SEC31B: variants seen among roughly 807,000 people sequenced by gnomAD.
SEC31B encodes SEC31 homolog B, COPII component.
In SEC31B, 113 loss-of-function variants were observed where a neutral mutation model predicts 135.0. That is an observed-to-expected ratio of 0.84 (90% CI 0.72 to 0.98). The LOEUF (loss-of-function observed/expected upper bound fraction) is 0.98. Ranked by LOEUF, SEC31B falls within the 50% of genes least tolerant of loss-of-function variation. SEC31B has a pLI of 0.00. For synonymous variants in SEC31B, 508 were observed against 549.4 expected (o/e 0.92, Z 1.05); for missense variants, 1,296 against 1,421.1 (o/e 0.91, Z 1.42).
Position 100,505,927 on chromosome 10 carries a change from C to T in SEC31B, c.1044+113G>A, listed in dbSNP as rs1056879411. The T allele has an allele frequency of 2.6e-6, 4 of 1,553,156 alleles. No individual in the cohort carries two copies. In the African/African-American group the frequency reaches 5.4e-5, roughly 21 times the overall value. On this transcript the variant is annotated intron_variant, in intron 9 of 25. Transcript: ENST00000370345. ...GGGCAAAGGTGCAGCCCTCCCAAAC[C>T]CCGGGCCCTGGTCTCCCAATCTCCA...
intron 7 of SEC31B, among the ~76,000 whole-genome samples, 190 bp downstream of exon 7, chr10:100,507,235 A>G (rs1395725808): frequency 6.6e-6 from 1 of 152,204 alleles, no homozygotes; most frequent in African/African-American, 2.4e-5. Context: ...CCTCCTCTCC[A>G]TAACCTCAGG....
intron 19 of SEC31B, among the ~76,000 whole-genome samples, chr10:100,493,604 G>A (rs1386999677): frequency 6.6e-6 from 1 of 152,184 alleles, no homozygotes; most frequent in Non-Finnish European, 1.5e-5. Context: ...CAAGGATGAG[G>A]GAGGCAGAAT....
chr10:100,509,974 G>A (rs908042214), intron 3 of SEC31B, among the ~76,000 whole-genome samples: 2 of 152,124 alleles, frequency 1.3e-5, no homozygotes, highest in African/African-American at 4.8e-5. Flanking sequence ...ACAACCTCAT[G>A]AAGTATTACT....
At chr10:100,506,991 C>A (rs1292063163) in intron 7 of SEC31B, among the ~76,000 whole-genome samples, 1 of 152,142 alleles carries the variant, frequency 6.6e-6, no homozygotes, top group African/African-American at 2.4e-5. Flanking sequence ...CAAGGAGATA[C>A]AAAGGCACCA....
intron 3 of SEC31B, among the ~76,000 whole-genome samples, chr10:100,515,835 G>A (rs945542014): frequency 6.6e-6 from 1 of 152,076 alleles, no homozygotes; most frequent in Non-Finnish European, 1.5e-5. Flanking sequence ...GACAGACCAG[G>A]TACACGTGGG....
intron 19 of SEC31B, among the ~76,000 whole-genome samples, chr10:100,493,144 C>T (rs912671821): frequency 6.6e-6 from 1 of 152,132 alleles, no homozygotes; most frequent in Non-Finnish European, 1.5e-5. Flanking sequence ...GAGGCCGAGG[C>T]GGGCGGATCA....
chr10:100,490,176 T>G lies in SEC31B; in HGVS notation c.2797A>C (p.Thr933Pro), dbSNP rs1851273227. 1 of 1,605,622 alleles carries G rather than the reference T, an allele frequency of 6.2e-7. No individual in the cohort carries two copies. Among genetic ancestry groups the G allele is most frequent in the African/African-American group, 1.3e-5 (1 of 74,530 alleles). The change falls in exon 21 of 26, where the codon ACT becomes CCT. Residue 933 changes from threonine (T) to proline (P), a missense_variant. Thr to Pro is a conservative substitution (Grantham distance 38). Coordinates refer to ENST00000370345, the MANE Select transcript of SEC31B (RefSeq NM_015490.4). Reference protein sequence around the residue: ...MRPGSTSLPETPRLFPLLPLR... With the variant: ...MRPGSTSLPEPPRLFPLLPLR... The stretch of plus-strand genomic sequence containing the variant: ...GGAAGCAGAGGGAACAGTCTAGGAG[T>G]CTCAGGCAGGGAGGTAGAGCCAGGT...
At chr10:100,491,095 C>A (rs999665294) in intron 19 of SEC31B, among the ~76,000 whole-genome samples, 1 of 152,108 alleles carries the variant, frequency 6.6e-6, no homozygotes, top group African/African-American at 2.4e-5. Context: ...TTACAACAGA[C>A]CCTGAAGCCA....
chr10:100,495,576 C>G, intron 18 of SEC31B, 30 bp from the exon 19 acceptor site: 2 of 1,598,836 alleles, frequency 1.3e-6, no homozygotes, highest in Non-Finnish European at 1.7e-6. Flanking sequence ...AGAGCTGTGT[C>G]AAGAAATTAA....
At chr10:100,499,345 A>C in intron 12 of SEC31B, 87 bp from the exon 13 acceptor site, 3 of 1,160,736 alleles carry the variant, frequency 2.6e-6, no homozygotes, top group Non-Finnish European at 3.8e-6. Context: ...TACCCCACCA[A>C]CTGTACTCTC....
intron 19 of SEC31B, among the ~76,000 whole-genome samples, chr10:100,494,533 C>A (rs546176285): frequency 2.6e-4 from 40 of 152,328 alleles, no homozygotes; most frequent in Non-Finnish European, 4.7e-4. Flanking sequence ...GCCACAAACA[C>A]CTGTGTTGCA....
intron 10 of SEC31B, 145 bp from the exon 11 acceptor site, chr10:100,502,629 G>A: frequency 1.6e-6 from 1 of 621,582 alleles, no homozygotes; most frequent in Non-Finnish European, 2.8e-6. Context: ...GGTGGAATAG[G>A]ATCAGGAATT....
chr10:100,499,092 G>A (rs1851468082), intron 13 of SEC31B, 68 bp downstream of exon 13: 1 of 1,285,484 alleles, frequency 7.8e-7, no homozygotes, highest in Non-Finnish European at 1.1e-6. Flanking sequence ...GGGCCAGGAA[G>A]GGAAAGATGC....
intron 5 of SEC31B, 116 bp from the exon 6 acceptor site, chr10:100,508,167 C>T (rs1377627116): frequency 1.9e-5 from 24 of 1,259,000 alleles, no homozygotes; most frequent in East Asian, 4.7e-5. Context: ...CATGGGGCTA[C>T]CCAAACTAAG....
intron 11 of SEC31B, chr10:100,500,193 G>A (rs1410297589): frequency 2.2e-6 from 1 of 456,528 alleles, no homozygotes; most frequent in African/African-American, 2.0e-5. Flanking sequence ...CTGCATGACT[G>A]CTGAAAGGGC....
At position 100,516,170 on chromosome 10, in the gene SEC31B, C is replaced by T; in HGVS notation, c.129G>A (p.Leu43=). 6.2e-7 allele frequency: 1 copy of T among 1,613,904 alleles called. No individual in the cohort carries two copies. Among genetic ancestry groups the T allele is most frequent in the Non-Finnish European group, 8.5e-7 (1 of 1,179,952 alleles). ...LDSSFSTNGT[L]EIFEVDFRDP... ...CCCTGAAATCAACCTCAAATATTTCCAATGTGCCATTTGTGCTGAAGGAGG... is the reference window on the plus strand; with the variant it reads ...CCCTGAAATCAACCTCAAATATTTCTAATGTGCCATTTGTGCTGAAGGAGG... Residue 43 remains leucine, a synonymous_variant, in exon 3 of 26, where the codon TTG becomes TTA. Transcript: ENST00000370345.
rs776327807 is a variant in SEC31B at position 100,497,809 on chromosome 10, A to C, written c.1864-16T>G. The C allele has an allele frequency of 3.1e-6, 5 of 1,614,200 alleles. No individual in the cohort carries two copies. The highest frequency in any genetic ancestry group is 4.2e-6 in the Non-Finnish European group (5 of 1,180,036). Reference sequence around the variant, plus strand: ...AGGCTAGAAGCTGTAATGGGCAGAGAGGGAAAGAGACCATCAGCCATCCAT... The same window carrying C: ...AGGCTAGAAGCTGTAATGGGCAGAGCGGGAAAGAGACCATCAGCCATCCAT... On this transcript the variant is annotated splice_polypyrimidine_tract_variant and intron_variant, in intron 15 of 25. Transcript: ENST00000370345.
chr10:100,490,979 C>A (rs1851290947), intron 19 of SEC31B, 96 bp from the exon 20 acceptor site: 7 of 886,312 alleles, frequency 7.9e-6, no homozygotes, highest in Non-Finnish European at 1.1e-5. Context: ...GAAACAAAAA[C>A]TAGTTCTTTG....
intron 1 of SEC31B, among the ~76,000 whole-genome samples, chr10:100,518,735 G>A (rs1283329139): frequency 1.3e-5 from 2 of 152,214 alleles, no homozygotes; most frequent in Non-Finnish European, 1.5e-5. Context: ...ACCTGCTTGA[G>A]TAAGCTATAG....
Sources: gnomAD v4.1 joint callset for allele counts (sites outside exome capture counted in the v4.1 genomes callset) on GRCh38, gnomAD v4.1.1 for gene constraint, MANE v1.5 for transcripts, NCBI Gene and HGNC (gene_info 2026-07-23, HGNC 2026-07-21) for gene names.